Variants in TMEM132C observed in about 807,000 individuals in gnomAD.
TMEM132C encodes protein phosphatase 1, regulatory subunit 152.
Under a neutral mutation model 61.4 loss-of-function variants are expected in TMEM132C, and 29 were observed. That is an observed-to-expected ratio of 0.47 (90% CI 0.35 to 0.64). The LOEUF (loss-of-function observed/expected upper bound fraction) is 0.64, where lower values mean the gene tolerates loss of function less well. TMEM132C is among the 30% of genes least tolerant of loss of function. The probability of loss-of-function intolerance (pLI) is 0.00; values close to 1 mark genes in which losing one functional copy is unlikely to be tolerated. For synonymous variants in TMEM132C, 656 were observed against 633.1 expected, an observed-to-expected ratio of 1.04 and a Z score of -0.54; for missense variants, 1,408 against 1,476.9, an observed-to-expected ratio of 0.95 and a Z score of 0.76.
intron 2 of TMEM132C, among the ~76,000 whole-genome samples, chr12:128,482,272 G>A (rs183870457): frequency 3.9e-5 from 6 of 152,292 alleles, no homozygotes; most frequent in South Asian, 2.1e-4. Context: ...TAAGCTTTTC[G>A]ATGTGCTCAC....
chr12:128,298,692 T>C (rs972748557), intron 1 of TMEM132C, among the ~76,000 whole-genome samples: 1 of 152,200 alleles, frequency 6.6e-6, no homozygotes, highest in Non-Finnish European at 1.5e-5. Context: ...AGACATTTCT[T>C]TGGGGGAAGA....
At chr12:128,664,608 CA>C (rs1163365360) in intron 4 of TMEM132C, among the ~76,000 whole-genome samples, 1 of 152,166 alleles carries the variant, frequency 6.6e-6, no homozygotes, top group Non-Finnish European at 1.5e-5. Flanking sequence ...CTGGGGTCGG[CA>C]GGAATTGTAC....
intron 2 of TMEM132C, among the ~76,000 whole-genome samples, chr12:128,462,664 T>C (rs908096824): frequency 6.6e-6 from 1 of 152,226 alleles, no homozygotes; most frequent in African/African-American, 2.4e-5. Flanking sequence ...TGTTGTATTT[T>C]ACTTCATTTA....
intron 1 of TMEM132C, among the ~76,000 whole-genome samples, chr12:128,274,570 T>C (rs1212059954): frequency 1.3e-5 from 2 of 152,342 alleles, no homozygotes; most frequent in Middle Eastern, 6.8e-3. Context: ...CAGAGAAAGC[T>C]AAAGGACGAG....
At chr12:128,339,852 G>A (rs1042265185) in intron 1 of TMEM132C, among the ~76,000 whole-genome samples, 1 of 152,030 alleles carries the variant, frequency 6.6e-6, no homozygotes, top group East Asian at 1.9e-4. Flanking sequence ...TATCAACCAG[G>A]GGCTCACACA....
intron 2 of TMEM132C, among the ~76,000 whole-genome samples, chr12:128,488,078 G>T (rs1871566053): frequency 6.6e-6 from 1 of 152,230 alleles, no homozygotes; most frequent in South Asian, 2.1e-4. Context: ...GCACTTGCCA[G>T]TTCCCACGGT....
intron 2 of TMEM132C, chr12:128,438,151 C>A (rs906344265): frequency 1.3e-5 from 2 of 152,178 alleles, no homozygotes; most frequent in African/African-American, 2.4e-5. Context: ...AAAATTCCTT[C>A]TTAAAACCCC....
At chr12:128,536,273 G>C (rs992413468) in intron 2 of TMEM132C, among the ~76,000 whole-genome samples, 5 of 152,044 alleles carry the variant, frequency 3.3e-5, no homozygotes, top group Non-Finnish European at 7.4e-5. Flanking sequence ...CCATCATTCT[G>C]AGCAAACTAT....
chr12:128,476,350 A>G (rs942337427), intron 2 of TMEM132C, among the ~76,000 whole-genome samples: 2 of 152,234 alleles, frequency 1.3e-5, no homozygotes, highest in African/African-American at 4.8e-5. Context: ...CTGGGGAGAC[A>G]TCGTCACATT....
At chr12:128,515,332 G>A (rs1406716797) in intron 2 of TMEM132C, among the ~76,000 whole-genome samples, 2 of 152,176 alleles carry the variant, frequency 1.3e-5, no homozygotes, top group Admixed American at 1.3e-4. Context: ...GTGATAGCAG[G>A]AGCTGCGGCA....
chr12:128,294,618 A>G (rs1442918913), intron 1 of TMEM132C, among the ~76,000 whole-genome samples: 3 of 152,210 alleles, frequency 2.0e-5, no homozygotes, highest in Admixed American at 6.5e-5. Context: ...CAGAGCCCAG[A>G]GATCCAAGAT....
At chr12:128,304,415 C>T (rs1339471872) in intron 1 of TMEM132C, among the ~76,000 whole-genome samples, 1 of 151,950 alleles carries the variant, frequency 6.6e-6, no homozygotes, top group Non-Finnish European at 1.5e-5. Flanking sequence ...CAAGACCAGC[C>T]TGGCCAACGT....
At chr12:128,686,999 C>T (rs976744862) in intron 5 of TMEM132C, among the ~76,000 whole-genome samples, 1 of 151,960 alleles carries the variant, frequency 6.6e-6, no homozygotes, top group Non-Finnish European at 1.5e-5. Flanking sequence ...GGGTTTGAGA[C>T]CAGCCTGGCC....
intron 1 of TMEM132C, among the ~76,000 whole-genome samples, chr12:128,396,256 G>A (rs186421223): frequency 5.9e-5 from 9 of 152,262 alleles, no homozygotes; most frequent in African/African-American, 1.7e-4. Flanking sequence ...TTCTATGCCA[G>A]TACATGTAGT....
At chr12:128,647,788 T>G (rs1380247835) in intron 4 of TMEM132C, among the ~76,000 whole-genome samples, 1 of 150,144 alleles carries the variant, frequency 6.7e-6, no homozygotes, top group African/African-American at 2.5e-5. Context: ...TCCATTAGCA[T>G]TGGAAGTGAG....
chr12:128,271,925 T>C (rs2135889938), intron 1 of TMEM132C, among the ~76,000 whole-genome samples: 1 of 152,346 alleles, frequency 6.6e-6, no homozygotes, highest in South Asian at 2.1e-4. Context: ...AATGTGTCTT[T>C]GGTATATTAA....
intron 3 of TMEM132C, among the ~76,000 whole-genome samples, chr12:128,544,444 A>AT (rs1873879940): frequency 6.6e-6 from 1 of 152,180 alleles, no homozygotes; most frequent in Admixed American, 6.5e-5. Context: ...CAAAGTACTC[A>AT]TTTTTTCATG....
At chr12:128,667,960 G>A (rs1019820687) in intron 4 of TMEM132C, among the ~76,000 whole-genome samples, 4 of 152,206 alleles carry the variant, frequency 2.6e-5, no homozygotes, top group Admixed American at 2.0e-4. Context: ...ACTTTGCTTT[G>A]CTTTAGTCTT....
At chr12:128,594,465 C>G (rs937918865) in intron 3 of TMEM132C, among the ~76,000 whole-genome samples, 1 of 151,046 alleles carries the variant, frequency 6.6e-6, no homozygotes, top group African/African-American at 2.4e-5. Flanking sequence ...TTGCATATTG[C>G]AGGTGCTTGG....
Sources: gnomAD v4.1 joint callset for allele counts (sites outside exome capture counted in the v4.1 genomes callset) on GRCh38, gnomAD v4.1.1 for gene constraint, MANE v1.5 for transcripts, NCBI Gene and HGNC (gene_info 2026-07-23, HGNC 2026-07-21) for gene names.